The following TMEM41B variants were observed in gnomAD, a reference collection of about 807,000 sequenced individuals.
The protein encoded by TMEM41B is transmembrane protein 41B, also known as protein stasimon.
In TMEM41B, 18 loss-of-function variants were observed where a neutral mutation model predicts 31.9. That is an observed-to-expected ratio of 0.56 (90% confidence interval 0.39 to 0.84). The LOEUF (loss-of-function observed/expected upper bound fraction) is 0.84, where lower values mean the gene tolerates loss of function less well. Among genes scored for constraint, TMEM41B ranks in the 40% least tolerant of loss-of-function variants. The pLI, the probability that TMEM41B is intolerant of heterozygous loss-of-function variation, is 0.00. For missense variants in TMEM41B, 322 were observed against 348.0 expected (o/e 0.93, Z 0.59); for synonymous variants, 144 against 124.3 (o/e 1.16, Z -1.05).
intron 2 of TMEM41B, 77 bp downstream of exon 2, chr11:9,299,507 G>A: frequency 5.1e-6 from 5 of 982,642 alleles, no homozygotes; most frequent in Non-Finnish European, 7.8e-6. Context: ...ACAGGCATCA[G>A]CTACTGCACT....
At chr11:9,303,569 C>T (rs1352109938) in intron 1 of TMEM41B, among the ~76,000 whole-genome samples, 1 of 151,350 alleles carries the variant, frequency 6.6e-6, no homozygotes, top group Non-Finnish European at 1.5e-5. Context: ...AGCAAGTTTT[C>T]TATAAAAAAC....
chr11:9,296,637 A>AAAGAACCAC lies in TMEM41B; in HGVS notation c.240-1259_240-1251dup, dbSNP rs1368086135. 1.7e-3 allele frequency among the ~76,000 whole-genome samples: 254 copies of AAAGAACCAC among 151,976 alleles called. 1 individual carries two copies. The highest frequency in any genetic ancestry group is 6.0e-3 in the African/African-American group (247 of 41,474). Reference sequence around the variant, plus strand: ...AAAAAAAAAAAAGAAAGAAAGAAAAAAAGAACCACTGATGTTAGTAAATTA... The same window carrying AAAGAACCAC: ...AAAAAAAAAAAAGAAAGAAAGAAAAAAAGAACCACAAGAACCACTGATGTTAGTAAATTA... On this transcript the variant is annotated intron_variant, in intron 2 of 6. Coordinates refer to ENST00000528080, the MANE Select transcript of TMEM41B (RefSeq NM_015012.4).
In TMEM41B at chr11:9,293,051, C is replaced by T. The variant is rs908020218; in HGVS notation, c.368+2208G>A. Among the ~76,000 whole-genome samples, 8 of 152,104 alleles carry T rather than the reference C, an allele frequency of 5.3e-5. No homozygotes were observed. The South Asian group carries it at 6.2e-4, about 12-fold the overall frequency. ...TTACTTGGTTCTCAAGTCAAACCTA[C>T]GCTAAGAAAAGTTTCAGTCCTACCA... On this transcript the variant is annotated intron_variant, in intron 3 of 6. Transcript: ENST00000528080.
rs377402632 is a variant in TMEM41B at position 9,284,238 on chromosome 11, G to A, written c.707-645C>T. ...TCACTCATTGCAGCCTCAGTCTCTCGAGGCTCAGGTGATTGTCCCACCTCA... is the reference window on the plus strand; with the variant it reads ...TCACTCATTGCAGCCTCAGTCTCTCAAGGCTCAGGTGATTGTCCCACCTCA... On this transcript the variant is annotated intron_variant, in intron 6 of 6. Transcript: ENST00000528080. Among the ~76,000 whole-genome samples the A allele has an allele frequency of 2.2e-3, 332 of 151,422 alleles. 2 individuals are homozygous for A. Among genetic ancestry groups the A allele is most frequent in the African/African-American group, 7.7e-3 (317 of 41,260 alleles).
chr11:9,285,704 G>C (rs1852820661), intron 6 of TMEM41B, among the ~76,000 whole-genome samples: 1 of 151,714 alleles, frequency 6.6e-6, no homozygotes, highest in African/African-American at 2.4e-5. Flanking sequence ...GATAAAAGCT[G>C]GTTTCAGTAA....
chr11:9,310,466 T>C (rs762152573), intron 1 of TMEM41B, among the ~76,000 whole-genome samples: 2 of 152,112 alleles, frequency 1.3e-5, no homozygotes, highest in Admixed American at 6.6e-5. Flanking sequence ...AAAATGCTTA[T>C]TATTGATTAT....
chr11:9,295,235 A>C, intron 3 of TMEM41B, 24 bp downstream of exon 3: 1 of 1,491,260 alleles, frequency 6.7e-7, no homozygotes, highest in East Asian at 2.3e-5. Context: ...AAATTAGAAA[A>C]CATTTTTTCA....
In TMEM41B at chr11:9,311,809, T is replaced by C. The variant is rs75027595; in HGVS notation, c.121+2512A>G. On this transcript the variant is annotated intron_variant, in intron 1 of 6. Transcript: ENST00000528080. ...TCTTCATCATGCAAAAATTAGACTT[T>C]CCGTGTTACCTCTGCCTTACTCAAG... The C allele has an allele frequency of 6.5e-3, 3,578 of 546,724 alleles. 106 individuals carry two copies. Among genetic ancestry groups the C allele is most frequent in the African/African-American group, 0.061 (3,190 of 52,540 alleles). 33.9% of individuals were successfully genotyped at this position (546,724 alleles called of 1,614,324 possible). A position where few individuals can be genotyped will look rare whatever the true frequency, so the allele number is the denominator to read the frequency against.
Position 9,281,592 on chromosome 11 carries a change from T to C in TMEM41B, c.*1832A>G, listed in dbSNP as rs543105187. ...AACTAATAACAGTCATGGGTGAAGG[T>C]AAAACTGACAGAGTACTTTAGATCA... On this transcript the variant is annotated 3_prime_UTR_variant, in exon 7 of 7. Transcript: ENST00000528080. The C allele has an allele frequency of 7.2e-5, 11 of 152,318 alleles. No homozygotes were observed. In the South Asian group the frequency reaches 2.1e-3, roughly 29 times the overall value. The allele number at this position is 152,318 out of a possible 1,614,324, so 9.4% of individuals were successfully genotyped here.
intron 1 of TMEM41B, among the ~76,000 whole-genome samples, chr11:9,300,632 A>G (rs1853228530): frequency 6.6e-6 from 1 of 152,098 alleles, no homozygotes. Flanking sequence ...TAATCCCAGC[A>G]CTTTGGGAGG....
Position 9,299,677 on chromosome 11 carries a change from G to A in TMEM41B, c.146C>T (p.Ser49Leu), listed in dbSNP as rs1367945306. Residue 49 changes from serine to leucine, a missense_variant, in exon 2 of 7, where the codon TCA (serine) becomes TTA (leucine). Ser to Leu is a moderately radical substitution (Grantham distance 145). Coordinates refer to ENST00000528080, the MANE Select transcript of TMEM41B (RefSeq NM_015012.4). ...QKEKSWVEAG[S>L]ARMSLLILVS... Reference sequence around the variant, plus strand: ...CAATATAAGGAGTGACATTCTTGCTGATCCAGCTTCTACCCAGGATTTTTC... The same window carrying A: ...CAATATAAGGAGTGACATTCTTGCTAATCCAGCTTCTACCCAGGATTTTTC... 8 of 1,612,048 alleles carry A rather than the reference G, an allele frequency of 5.0e-6. No homozygotes were observed. The highest frequency in any genetic ancestry group is 6.8e-6 in the Non-Finnish European group (8 of 1,179,424).
intron 6 of TMEM41B, among the ~76,000 whole-genome samples, chr11:9,286,046 CG>C (rs1564959426): frequency 6.6e-6 from 1 of 152,034 alleles, no homozygotes; most frequent in East Asian, 1.9e-4. Flanking sequence ...ACCCGGGAGG[CG>C]GAGATTGCAG....
chr11:9,307,167 G>A (rs1214730809), intron 1 of TMEM41B, among the ~76,000 whole-genome samples: 1 of 151,876 alleles, frequency 6.6e-6, no homozygotes. Context: ...ATGTCTACGA[G>A]ATCTTAGGAA....
chr11:9,310,655 CTT>C (rs36061977), intron 1 of TMEM41B, among the ~76,000 whole-genome samples: 35,462 of 109,188 alleles, frequency 0.32, 5,762 homozygotes, highest in South Asian at 0.53. Context: ...GTTAAGAGCC[CTT>C]TTTTTTTTTT....
intron 3 of TMEM41B, among the ~76,000 whole-genome samples, chr11:9,292,260 T>C (rs898332042): frequency 1.3e-5 from 2 of 152,172 alleles, no homozygotes; most frequent in African/African-American, 4.8e-5. Flanking sequence ...TTCTATCCTT[T>C]ATCTTATACT....
At chr11:9,299,221 T>C (rs1853176512) in intron 2 of TMEM41B, among the ~76,000 whole-genome samples, 4 of 129,778 alleles carry the variant, frequency 3.1e-5, no homozygotes. Flanking sequence ...GCAGGGCTTA[T>C]ACAGTGAGCT....
At chr11:9,294,474 G>C (rs1214320031) in intron 3 of TMEM41B, among the ~76,000 whole-genome samples, 2 of 141,064 alleles carry the variant, frequency 1.4e-5, no homozygotes, top group Non-Finnish European at 3.0e-5. Flanking sequence ...TGTAACAAGA[G>C]CAAAACTCCA....
At chr11:9,312,318 G>C (rs1425800515) in intron 1 of TMEM41B, among the ~76,000 whole-genome samples, 1 of 152,160 alleles carries the variant, frequency 6.6e-6, no homozygotes, top group Non-Finnish European at 1.5e-5. Context: ...AGGACTTCAA[G>C]ACACCCTGGC....
intron 2 of TMEM41B, 48 bp downstream of exon 2, chr11:9,299,536 A>G (rs1853194477): frequency 7.6e-7 from 1 of 1,312,492 alleles, no homozygotes; most frequent in Non-Finnish European, 1.1e-6. Context: ...ATCCACTTTC[A>G]TCTTATAAAT....
Sources: allele counts gnomAD v4.1 joint callset (sites outside exome capture counted in the v4.1 genomes callset), GRCh38; gene constraint gnomAD v4.1.1; transcripts MANE v1.5; gene names NCBI Gene and HGNC (gene_info 2026-07-23, HGNC 2026-07-21).